The following KCNH5 variants were observed in gnomAD, a reference collection of about 807,000 sequenced individuals.
The protein encoded by KCNH5 is potassium voltage-gated channel subfamily H member 5, also known as voltage-gated delayed rectifier potassium channel KCNH5.
Under a neutral mutation model 96.1 loss-of-function variants are expected in KCNH5, and 46 were observed. The ratio of observed to expected loss-of-function variants is 0.48; its 90% CI spans 0.38 to 0.61. KCNH5 has a LOEUF of 0.61. KCNH5 is among the 20% of genes least tolerant of loss of function. KCNH5 has a pLI of 0.00. For synonymous variants in KCNH5, 439 were observed against 449.8 expected (o/e 0.98, Z 0.30); for missense variants, 907 against 1,225.8 (o/e 0.74, Z 3.88).
chr14:62,876,978 A>C (rs1028658160), intron 7 of KCNH5, among the ~76,000 whole-genome samples: 2 of 152,234 alleles, frequency 1.3e-5, no homozygotes, highest in African/African-American at 4.8e-5. Context: ...AAAAGAAAAC[A>C]TAGGATAGAA....
At chr14:62,890,523 G>A (rs1472735499) in intron 7 of KCNH5, among the ~76,000 whole-genome samples, 3 of 145,548 alleles carry the variant, frequency 2.1e-5, no homozygotes, top group South Asian at 2.4e-4. Flanking sequence ...GTGAAACCCC[G>A]TCTCTACTAA....
intron 7 of KCNH5, among the ~76,000 whole-genome samples, chr14:62,883,559 A>G (rs1216379786): frequency 6.6e-6 from 1 of 152,106 alleles, no homozygotes; most frequent in Non-Finnish European, 1.5e-5. Flanking sequence ...CATATACAGA[A>G]AGAAAAATTG....
intron 10 of KCNH5, among the ~76,000 whole-genome samples, chr14:62,717,257 A>C (rs1414726725): frequency 6.6e-6 from 1 of 152,220 alleles, no homozygotes; most frequent in Non-Finnish European, 1.5e-5. Flanking sequence ...AAATTTCAAC[A>C]GCCCATTTTT....
At chr14:62,839,568 A>G (rs1483311549) in intron 8 of KCNH5, among the ~76,000 whole-genome samples, 1 of 130,192 alleles carries the variant, frequency 7.7e-6, no homozygotes, top group Non-Finnish European at 1.6e-5. Flanking sequence ...TAGTTCAATC[A>G]TATTTGGGTA....
intron 6 of KCNH5, among the ~76,000 whole-genome samples, chr14:62,979,766 T>C (rs1050637864): frequency 6.6e-6 from 1 of 152,208 alleles, no homozygotes; most frequent in Admixed American, 6.5e-5. Context: ...TATCATCCAC[T>C]ATTAAGTTAG....
Position 63,006,417 on chromosome 14 carries a change from A to G in KCNH5, c.253T>C (p.Phe85Leu), listed in dbSNP as rs1249498265. The G allele has an allele frequency of 5.6e-6, 9 of 1,613,198 alleles. No homozygotes were observed. Among genetic ancestry groups the G allele is most frequent in the Non-Finnish European group, 7.6e-6 (9 of 1,179,512 alleles). The stretch of plus-strand genomic sequence containing the variant: ...AAGCAGTTTGATTCGTAGTTGTCAA[A>G]AGTTTGCCTGACTTTCTCAATGGTC... ...KKTIEKVRQTFDNYESNCFEV... is the reference protein window; with the variant it reads ...KKTIEKVRQTLDNYESNCFEV... The change falls in exon 3 of 11, where the codon TTT becomes CTT. Residue 85 changes from phenylalanine (F) to leucine (L), a missense_variant. By Grantham distance (22) the Phe-to-Leu change is conservative. This residue lies in a region of KCNH5 where 370 missense variants were observed against 561.3 expected (regional missense o/e 0.66). Transcript: ENST00000322893.
At chr14:62,859,589 C>A (rs982648386) in intron 7 of KCNH5, among the ~76,000 whole-genome samples, 14 of 152,202 alleles carry the variant, frequency 9.2e-5, no homozygotes, top group African/African-American at 3.4e-4. Context: ...TCCAAACATG[C>A]TTCTTTCAAG....
intron 1 of KCNH5, among the ~76,000 whole-genome samples, chr14:63,019,821 T>C (rs542078709): frequency 6.6e-6 from 1 of 152,058 alleles, no homozygotes; most frequent in Non-Finnish European, 1.5e-5. Context: ...AAAGAAAATG[T>C]TGATAAATTA....
At chr14:62,965,125 TG>T (rs1222405617) in intron 6 of KCNH5, among the ~76,000 whole-genome samples, 1 of 152,118 alleles carries the variant, frequency 6.6e-6, no homozygotes, top group Non-Finnish European at 1.5e-5. Flanking sequence ...GTAAGGGATT[TG>T]TTTTTTTCAT....
At chr14:63,020,211 G>A (rs1891399324) in intron 1 of KCNH5, among the ~76,000 whole-genome samples, 1 of 152,082 alleles carries the variant, frequency 6.6e-6, no homozygotes, top group South Asian at 2.1e-4. Flanking sequence ...CTTATAAAAT[G>A]CTAGCAAGAA....
chr14:62,877,732 T>G (rs935292045), intron 7 of KCNH5, among the ~76,000 whole-genome samples: 1 of 151,708 alleles, frequency 6.6e-6, no homozygotes, highest in African/African-American at 2.4e-5. Flanking sequence ...TAGGAACACT[T>G]TTACACTGTT....
At chr14:62,757,018 G>T (rs1037197870) in intron 10 of KCNH5, among the ~76,000 whole-genome samples, 1 of 151,982 alleles carries the variant, frequency 6.6e-6, no homozygotes, top group African/African-American at 2.4e-5. Context: ...CCACAGAATT[G>T]GAGAAAATAT....
intron 7 of KCNH5, among the ~76,000 whole-genome samples, chr14:62,907,826 C>G (rs1035210386): frequency 4.6e-5 from 7 of 152,194 alleles, no homozygotes; most frequent in Non-Finnish European, 1.0e-4. Context: ...GCAACTTGCT[C>G]TGGCCCCTGC....
chr14:62,866,559 G>A (rs965222087), intron 7 of KCNH5, among the ~76,000 whole-genome samples: 1 of 152,128 alleles, frequency 6.6e-6, no homozygotes, highest in Non-Finnish European at 1.5e-5. Flanking sequence ...ATAAGCATGT[G>A]ATGAAAAAGA....
At chr14:62,913,764 TCA>T (rs1889218158) in intron 7 of KCNH5, among the ~76,000 whole-genome samples, 2 of 152,160 alleles carry the variant, frequency 1.3e-5, no homozygotes, top group Admixed American at 1.3e-4. Context: ...TTAGCTAAAA[TCA>T]CAGAGTTTAT....
chr14:62,910,932 CA>C lies in KCNH5; in HGVS notation c.1369+39200del, dbSNP rs1566704679. ...ACACACACACACACACACACACACACACACACACACCCCTCTGTTGTTCTGT... is the reference window on the plus strand; with the variant it reads ...ACACACACACACACACACACACACACCACACACACCCCTCTGTTGTTCTGT... On this transcript the variant is annotated intron_variant, in intron 7 of 10. Coordinates refer to ENST00000322893, the MANE Select transcript of KCNH5 (RefSeq NM_139318.5). 5.5e-5 allele frequency among the ~76,000 whole-genome samples: 8 copies of C among 145,232 alleles called. No homozygotes were observed. In the South Asian group the frequency reaches 1.2e-3, roughly 21 times the overall value.
In KCNH5 at chr14:62,975,135, C is replaced by CAAGG. The variant is rs1468185935; in HGVS notation, c.942+5733_942+5736dup. ...AGTCTCAAAACAAACATGTCCTAGACAAGGCACAAGACTCCAGAACATCCA... is the reference window on the plus strand; with the variant it reads ...AGTCTCAAAACAAACATGTCCTAGACAAGGAAGGCACAAGACTCCAGAACATCCA... On this transcript the variant is annotated intron_variant, in intron 6 of 10. Coordinates refer to ENST00000322893, the MANE Select transcript of KCNH5 (RefSeq NM_139318.5). Among the ~76,000 whole-genome samples the CAAGG allele has an allele frequency of 2.0e-5, 3 of 152,100 alleles. No individual in the cohort carries two copies. In the East Asian group the frequency reaches 5.8e-4, roughly 29 times the overall value.
chr14:62,710,207 T>A (rs1884539425), intron 10 of KCNH5, among the ~76,000 whole-genome samples: 1 of 152,236 alleles, frequency 6.6e-6, no homozygotes, highest in Non-Finnish European at 1.5e-5. Flanking sequence ...GAGTACATTT[T>A]CTAAAATGAG....
At chr14:62,907,016 C>G (rs141670510) in intron 7 of KCNH5, among the ~76,000 whole-genome samples, 1 of 152,306 alleles carries the variant, frequency 6.6e-6, no homozygotes, top group African/African-American at 2.4e-5. Flanking sequence ...GCATTTTCAA[C>G]CCTAATCCAT....
Sources: gnomAD v4.1 joint callset for allele counts (sites outside exome capture counted in the v4.1 genomes callset) on GRCh38, gnomAD v4.1.1 for gene constraint, gnomAD v4.1.1 regional missense constraint, MANE v1.5 for transcripts, NCBI Gene and HGNC (gene_info 2026-07-23, HGNC 2026-07-21) for gene names.